Variants in MROH2A observed in about 807,000 individuals in gnomAD.
The protein encoded by MROH2A is maestro heat like repeat family member 2A, also known as maestro heat-like repeat-containing protein family member 2A.
In MROH2A, 174 loss-of-function variants were observed where a neutral mutation model predicts 200.4. The ratio of observed to expected loss-of-function variants is 0.87; its 90% confidence interval spans 0.77 to 0.98. The LOEUF is 0.98. Among genes scored for constraint, MROH2A ranks in the 50% least tolerant of loss-of-function variants. The pLI, the probability that MROH2A is intolerant of heterozygous loss-of-function variation, is 0.00. For synonymous variants in MROH2A, 829 were observed against 840.4 expected (o/e 0.99, Z 0.23); for missense variants, 2,045 against 2,139.6 (o/e 0.96, Z 0.87).
At chr2:233,800,420 C>T (rs1702389287) in intron 14 of MROH2A, 105 bp downstream of exon 14, 1 of 717,246 alleles carries the variant, frequency 1.4e-6, no homozygotes, top group Non-Finnish European at 2.3e-6. Context: ...TTCCTGCTGT[C>T]TGGAGTGTTG....
chr2:233,829,874 C>T (rs957608975), intron 38 of MROH2A, 99 bp downstream of exon 38: 45 of 1,148,956 alleles, frequency 3.9e-5, no homozygotes, highest in Non-Finnish European at 4.3e-5. Flanking sequence ...GCAAGCTTTT[C>T]TCTGCCTCAG....
At position 233,793,769 on chromosome 2, in the gene MROH2A, T is replaced by G; in HGVS notation, c.767T>G (p.Val256Gly). ...ACTGAGGAGGAGTTTGCCCTGAAGG[T>G]GTTCCCCATGTATCGCTACTTCGTG... ...VMTEEEFALK[V>G]FPMYRYFVTV... is the part of the protein sequence containing the mutation. Residue 256 changes from valine (V) to glycine (G), a missense_variant, in exon 7 of 42, where the codon GTG becomes GGG. Transcript: ENST00000389758. 1 of 1,492,310 alleles carries G rather than the reference T, an allele frequency of 6.7e-7. No homozygotes were observed. Among genetic ancestry groups the G allele is most frequent in the Non-Finnish European group, 8.9e-7 (1 of 1,118,472 alleles). The allele number at this position is 1,492,310 out of a possible 1,614,324, so 92.4% of individuals were successfully genotyped here. A position where few individuals can be genotyped will look rare whatever the true frequency, so the allele number is the denominator to read the frequency against.
intron 3 of MROH2A, among the ~76,000 whole-genome samples, chr2:233,788,168 T>TA (rs1701491886): frequency 1.7e-5 from 2 of 120,428 alleles, no homozygotes; most frequent in Admixed American, 1.2e-4. Context: ...TATATACATA[T>TA]ACATATATTA....
chr2:233,833,055 G>A, intron 41 of MROH2A, 83 bp from the exon 42 acceptor site: 1 of 1,446,282 alleles, frequency 6.9e-7, no homozygotes, highest in Non-Finnish European at 9.1e-7. Context: ...TGCGGCCCTT[G>A]CCTGCCATCA....
At chr2:233,789,467 T>G (rs1575913623) in intron 3 of MROH2A, 30 bp from the exon 4 acceptor site, 1 of 1,374,830 alleles carries the variant, frequency 7.3e-7, no homozygotes, top group South Asian at 1.9e-5. Flanking sequence ...CAGGGTGAGG[T>G]CCATTCCACC....
At chr2:233,787,535 C>T (rs1186963268) in intron 3 of MROH2A, among the ~76,000 whole-genome samples, 14 of 103,922 alleles carry the variant, frequency 1.3e-4, no homozygotes, top group African/African-American at 4.9e-4. Flanking sequence ...TTACATATAT[C>T]ATATATACAT....
Position 233,787,620 on chromosome 2 carries a change from A to AT in MROH2A, c.277-1877_277-1876insT, listed in dbSNP as rs1701309100. Among the ~76,000 whole-genome samples the AT allele has an allele frequency of 1.5e-4, 10 of 65,250 alleles. 1 individual carries two copies. Among genetic ancestry groups the AT allele is most frequent in the Non-Finnish European group, 7.5e-5 (3 of 39,980 alleles). The allele number at this position is 65,250 out of a possible 152,430, so 42.8% of individuals were successfully genotyped here. On this transcript the variant is annotated intron_variant, in intron 3 of 41. Transcript: ENST00000389758. ...ATTATATATTATATATATCATATAT[A>AT]CATATATATTATATATATTATATAT...
chr2:233,810,519 T>G (rs1474630233), intron 22 of MROH2A, among the ~76,000 whole-genome samples: 1 of 152,158 alleles, frequency 6.6e-6, no homozygotes, highest in Non-Finnish European at 1.5e-5. Context: ...CAATTCAAGT[T>G]GAGATTTGAA....
chr2:233,823,130 T>TG (rs1250111522), intron 34 of MROH2A, 112 bp downstream of exon 34: 3 of 1,178,218 alleles, frequency 2.5e-6, no homozygotes, highest in African/African-American at 3.1e-5. Flanking sequence ...GCCTTCTTTC[T>TG]GGGGGAACTG....
rs1475229933 is a variant in MROH2A at position 233,805,081 on chromosome 2, T to G, written c.2022T>G (p.Ile674Met). 6.5e-7 allele frequency: 1 copy of G among 1,549,846 alleles called. No homozygotes were observed. The highest frequency in any genetic ancestry group is 1.4e-5 in the African/African-American group (1 of 73,016). The change falls in exon 19 of 42, where the codon ATT (isoleucine) becomes ATG (methionine). Residue 674 changes from isoleucine to methionine, a missense_variant. Coordinates refer to ENST00000389758, the MANE Select transcript of MROH2A (RefSeq NM_001394639.1). Reference protein sequence around the residue: ...LRLSKELNNQIASFDSPSLEK... With the variant: ...LRLSKELNNQMASFDSPSLEK... ...TGAGTAAAGAGCTGAACAACCAGAT[T>G]GCGAGCTTTGACAGCCCCTCTCTGG...
intron 19 of MROH2A, among the ~76,000 whole-genome samples, chr2:233,806,665 AGGGAGTGTAAATTGGTTCAACTTAC>A (rs757457390): frequency 3.7e-4 from 57 of 152,270 alleles, no homozygotes; most frequent in Non-Finnish European, 6.8e-4. Flanking sequence ...GGTTTGTTGG[AGGGAGTGTAAATTGGTTCAACTTAC>A]ACAGAAGTTG....
intron 16 of MROH2A, 22 bp from the exon 17 acceptor site, chr2:233,804,029 C>T: frequency 6.5e-7 from 1 of 1,549,006 alleles, no homozygotes; most frequent in Non-Finnish European, 8.7e-7. Context: ...TGCTACTTCA[C>T]TGGAGCCTTG....
At chr2:233,801,155 C>G (rs1702447906) in intron 14 of MROH2A, among the ~76,000 whole-genome samples, 1 of 152,216 alleles carries the variant, frequency 6.6e-6, no homozygotes, top group Admixed American at 6.5e-5. Flanking sequence ...GGCCTCATAT[C>G]TGGTAAACAA....
intron 22 of MROH2A, among the ~76,000 whole-genome samples, chr2:233,809,595 TGACCCA>T (rs1390800128): frequency 6.6e-6 from 1 of 152,190 alleles, no homozygotes; most frequent in African/African-American, 2.4e-5. Flanking sequence ...TCTCTGACAC[TGACCCA>T]GACCCTTTCA....
intron 27 of MROH2A, 94 bp downstream of exon 27, chr2:233,816,979 A>G: frequency 1.3e-6 from 1 of 784,562 alleles, no homozygotes; most frequent in South Asian, 1.8e-5. Context: ...CACTTATGAA[A>G]TCAAGTTCTG....
At chr2:233,821,948 G>C (rs1275056476) in intron 31 of MROH2A, among the ~76,000 whole-genome samples, 176 bp from the exon 32 acceptor site, 1 of 152,210 alleles carries the variant, frequency 6.6e-6, no homozygotes. Flanking sequence ...GTTGAGTATA[G>C]TGTCAGGGGC....
intron 41 of MROH2A, among the ~76,000 whole-genome samples, chr2:233,832,863 C>G (rs903993645): frequency 1.3e-5 from 2 of 152,178 alleles, no homozygotes; most frequent in African/African-American, 2.4e-5. Context: ...CTGTTTCTCC[C>G]ATTCATAGCT....
chr2:233,793,427 G>A (rs905015662), intron 6 of MROH2A, among the ~76,000 whole-genome samples: 2 of 152,166 alleles, frequency 1.3e-5, no homozygotes, highest in African/African-American at 4.8e-5. Flanking sequence ...CATACTCCAG[G>A]CCTCGCCCTT....
chr2:233,830,772 C>T (rs141064409), intron 38 of MROH2A, among the ~76,000 whole-genome samples: 50 of 152,348 alleles, frequency 3.3e-4, no homozygotes, highest in African/African-American at 1.2e-3. Flanking sequence ...CCCTCTGCCA[C>T]ACCATCCCTG....
Sources: gnomAD v4.1 joint callset for allele counts (sites outside exome capture counted in the v4.1 genomes callset) on GRCh38, gnomAD v4.1.1 for gene constraint, MANE v1.5 for transcripts, NCBI Gene and HGNC (gene_info 2026-07-23, HGNC 2026-07-21) for gene names.